TEX26: variants seen among roughly 807,000 people sequenced by gnomAD.
TEX26 encodes testis expressed 26.
Under a neutral mutation model 35.3 loss-of-function variants are expected in TEX26, and 34 were observed. The observed-to-expected ratio is 0.96, with a 90% CI of 0.73 to 1.28. The LOEUF is 1.28. Among genes scored for constraint, TEX26 ranks in the 50% most tolerant of loss-of-function variants. The pLI, the probability that TEX26 is intolerant of heterozygous loss-of-function variation, is 0.00. For synonymous variants in TEX26, 136 were observed against 111.8 expected (o/e 1.22, Z -1.36); for missense variants, 371 against 330.1 (o/e 1.12, Z -0.96).
chr13:30,936,940 C>A, intron 1 of TEX26: 1 of 985,378 alleles, frequency 1.0e-6, no homozygotes, highest in Non-Finnish European at 1.2e-6. Flanking sequence ...ATTCCAATGG[C>A]ATACTGTACT....
chr13:30,952,400 T>TA (rs1300227725), intron 2 of TEX26, among the ~76,000 whole-genome samples: 1 of 152,130 alleles, frequency 6.6e-6, no homozygotes, highest in Non-Finnish European at 1.5e-5. Context: ...TTCAGCTCTT[T>TA]AAAAAAATTA....
In TEX26 at chr13:30,969,083, C is replaced by A; in HGVS notation, c.808+37C>A. ...TCTTATTTCACACACTTACAGATCACAATACATTGCTTTTGCCAAATAGAA... is the reference window on the plus strand; with the variant it reads ...TCTTATTTCACACACTTACAGATCAAAATACATTGCTTTTGCCAAATAGAA... On this transcript the variant is annotated intron_variant, in intron 6 of 6. Coordinates refer to ENST00000380473, the MANE Select transcript of TEX26 (RefSeq NM_152325.3). The A allele has an allele frequency of 1.9e-6, 3 of 1,538,858 alleles. No individual in the cohort carries two copies. The South Asian group carries it at 3.8e-5, about 20-fold the overall frequency.
rs2138180154 is a variant in TEX26, at chr13:30,939,756, G to A, written c.124G>A (p.Gly42Arg). Reference protein sequence around the residue: ...TMRTAFTPKTGAVPALIRQNG... With the variant: ...TMRTAFTPKTRAVPALIRQNG... ...GAGGACTGCATTCACGCCTAAAACA[G>A]GAGCAGTGCCTGCCTTAATTCGGTA... Residue 42 changes from glycine to arginine, a missense_variant, in exon 2 of 7, where the codon GGA becomes AGA. Coordinates refer to ENST00000380473, the MANE Select transcript of TEX26 (RefSeq NM_152325.3). 6.2e-7 allele frequency: 1 copy of A among 1,614,020 alleles called. No homozygotes were observed. The highest frequency in any genetic ancestry group is 8.5e-7 in the Non-Finnish European group (1 of 1,179,896).
intron 2 of TEX26, among the ~76,000 whole-genome samples, chr13:30,940,895 A>G (rs1953474724): frequency 6.6e-6 from 1 of 152,036 alleles, no homozygotes; most frequent in Non-Finnish European, 1.5e-5. Context: ...CCGAGATCAC[A>G]CCACTGCACT....
chr13:30,952,524 A>T, intron 2 of TEX26, 136 bp from the exon 3 acceptor site: 1 of 704,842 alleles, frequency 1.4e-6, no homozygotes, highest in Non-Finnish European at 2.2e-6. Context: ...ACCTGAAATT[A>T]AATTATTTCT....
chr13:30,970,178 T>A (rs1214292140), intron 6 of TEX26, among the ~76,000 whole-genome samples: 50 of 37,602 alleles, frequency 1.3e-3, no homozygotes, highest in Middle Eastern at 0.029. Context: ...AGTGTGTGTG[T>A]GTGTGTGTGT....
rs746864292 is a variant in TEX26, at chr13:30,932,669, G to T, written c.-47G>T. 3 of 1,598,182 alleles carry T rather than the reference G, an allele frequency of 1.9e-6. No homozygotes were observed. The highest frequency in any genetic ancestry group is 1.3e-5 in the African/African-American group (1 of 74,646). On this transcript the variant is annotated 5_prime_UTR_variant, in exon 1 of 7. Transcript: ENST00000380473. ...AAAGCAGCCCGCGGCTCCCGCAAGC[G>T]CTGAGATAGCTGGAGCCAGGGCCCC...
chr13:30,951,694 C>A (rs1953927213), intron 2 of TEX26, among the ~76,000 whole-genome samples: 2 of 152,080 alleles, frequency 1.3e-5, no homozygotes, highest in African/African-American at 4.8e-5. Flanking sequence ...CATTTCAATT[C>A]TAAAGATTTT....
chr13:30,961,622 A>G (rs1418303746), intron 4 of TEX26, among the ~76,000 whole-genome samples: 2 of 152,162 alleles, frequency 1.3e-5, no homozygotes, highest in African/African-American at 2.4e-5. Context: ...CAGGGATACA[A>G]TCCATTGAGT....
chr13:30,970,937 A>G (rs1791808040), intron 6 of TEX26, among the ~76,000 whole-genome samples: 1 of 152,236 alleles, frequency 6.6e-6, no homozygotes, highest in African/African-American at 2.4e-5. Flanking sequence ...TAACAAGGTA[A>G]CTTAGAATAA....
rs558800413 is a variant in TEX26 at position 30,942,115 on chromosome 13, T to C, written c.146+2337T>C. 4.6e-5 allele frequency among the ~76,000 whole-genome samples: 7 copies of C among 152,350 alleles called. 1 individual carries two copies. The South Asian group carries it at 1.2e-3, about 27-fold the overall frequency. On this transcript the variant is annotated intron_variant, in intron 2 of 6. Transcript: ENST00000380473. ...GTTTTCCATAGAGGTTGTACTAATT[T>C]ACATTCCCACCATCAGGGTATAAGT...
Position 30,952,714 on chromosome 13 carries a change from CA to C in TEX26, c.203del (p.Asn68IlefsTer19), listed in dbSNP as rs765186751. ...CATATTCACTTAGTGATCCTATTCT[CA>C]ATCAGACACAATATAGTGATGAGTA... is the stretch of plus-strand genomic sequence containing the variant. ...YTYSLSDPIL[N>X]QTQYSDEYTW... On this transcript the variant is annotated frameshift_variant, in exon 3 of 7. Coordinates refer to ENST00000380473, the MANE Select transcript of TEX26 (RefSeq NM_152325.3). LOFTEE classifies it high-confidence loss of function. 2 of 1,610,844 alleles carry C rather than the reference CA, an allele frequency of 1.2e-6. No homozygotes were observed. Among genetic ancestry groups the C allele is most frequent in the East Asian group, 4.5e-5 (2 of 44,642 alleles).
At chr13:30,948,319 A>T (rs2138224853) in intron 2 of TEX26, among the ~76,000 whole-genome samples, 1 of 152,324 alleles carries the variant, frequency 6.6e-6, no homozygotes, top group East Asian at 1.9e-4. Flanking sequence ...CGCCACACCA[A>T]CTTCCACAAT....
intron 2 of TEX26, among the ~76,000 whole-genome samples, chr13:30,942,473 G>C (rs1454001646): frequency 6.6e-6 from 1 of 151,954 alleles, no homozygotes; most frequent in Non-Finnish European, 1.5e-5. Context: ...TGGGTTGTCT[G>C]ATTATTCTAA....
At chr13:30,955,611 A>T (rs1257581683) in intron 3 of TEX26, among the ~76,000 whole-genome samples, 1 of 152,258 alleles carries the variant, frequency 6.6e-6, no homozygotes. Context: ...TAGCTTAGTA[A>T]CTAGAAGGGG....
chr13:30,938,564 G>GATTACCTCATCTAATCTTA (rs1953359376), intron 1 of TEX26, among the ~76,000 whole-genome samples: 1 of 152,114 alleles, frequency 6.6e-6, no homozygotes, highest in Non-Finnish European at 1.5e-5. Context: ...ACCCCTCTCT[G>GATTACCTCATCTAATCTTA]ATTACCTCAT....
At chr13:30,934,024 A>T (rs933411796) in intron 1 of TEX26, among the ~76,000 whole-genome samples, 1 of 152,234 alleles carries the variant, frequency 6.6e-6, no homozygotes, top group Non-Finnish European at 1.5e-5. Flanking sequence ...TCTACCAGAC[A>T]GTTCCATGTG....
At chr13:30,950,828 A>C (rs1953893276) in intron 2 of TEX26, among the ~76,000 whole-genome samples, 1 of 152,180 alleles carries the variant, frequency 6.6e-6, no homozygotes, top group Admixed American at 6.5e-5. Context: ...GTTTCCCTTC[A>C]CTGGGGGACC....
intron 2 of TEX26, among the ~76,000 whole-genome samples, chr13:30,950,925 G>A (rs1205407821): frequency 1.3e-5 from 2 of 152,218 alleles, no homozygotes; most frequent in African/African-American, 2.4e-5. Flanking sequence ...CAGGCAAGGG[G>A]TAAAGGAAGA....
Sources: gnomAD v4.1 joint callset for allele counts (sites outside exome capture counted in the v4.1 genomes callset) on GRCh38, gnomAD v4.1.1 for gene constraint, MANE v1.5 for transcripts, NCBI Gene and HGNC (gene_info 2026-07-23, HGNC 2026-07-21) for gene names.